The following FGD5 variants were observed in gnomAD, a reference collection of about 807,000 sequenced individuals.
The protein encoded by FGD5 is FYVE, RhoGEF and PH domain containing 5, also known as FYVE, RhoGEF and PH domain-containing protein 5.
In FGD5, 28 loss-of-function variants were observed where a neutral mutation model predicts 133.4. The observed-to-expected ratio is 0.21, with a 90% confidence interval of 0.16 to 0.29. The LOEUF is 0.29. Among genes scored for constraint, FGD5 ranks in the 10% least tolerant of loss-of-function variants. FGD5 has a pLI of 1.00. For missense variants in FGD5, 1,858 were observed against 1,895.2 expected (o/e 0.98, Z 0.36); for synonymous variants, 810 against 776.5 (o/e 1.04, Z -0.72).
chr3:14,841,007 T>C (rs960487610), intron 1 of FGD5, among the ~76,000 whole-genome samples: 1 of 152,250 alleles, frequency 6.6e-6, no homozygotes, highest in African/African-American at 2.4e-5. Context: ...CTCCATTGAA[T>C]GATTGTGCCC....
At chr3:14,837,891 A>G (rs1055449982) in intron 1 of FGD5, among the ~76,000 whole-genome samples, 3 of 152,164 alleles carry the variant, frequency 2.0e-5, no homozygotes, top group Non-Finnish European at 4.4e-5. Flanking sequence ...GTCTGACGTG[A>G]CATACTTATT....
intron 2 of FGD5, among the ~76,000 whole-genome samples, chr3:14,873,750 A>C (rs1379104503): frequency 1.4e-5 from 2 of 147,208 alleles, no homozygotes; most frequent in African/African-American, 2.5e-5. Flanking sequence ...TTTTTTTGAG[A>C]CAGTTCTGTC....
At chr3:14,869,055 G>A (rs932674146) in intron 2 of FGD5, among the ~76,000 whole-genome samples, 3 of 152,180 alleles carry the variant, frequency 2.0e-5, no homozygotes, top group Non-Finnish European at 4.4e-5. Flanking sequence ...AGCACTTTGG[G>A]AGGCTGAGGT....
chr3:14,928,612 G>T (rs527247580), intron 18 of FGD5, among the ~76,000 whole-genome samples: 5 of 152,066 alleles, frequency 3.3e-5, no homozygotes, highest in African/African-American at 1.2e-4. Context: ...AGGGATGGTG[G>T]CACGCACCTG....
rs1263023714 is a variant in FGD5, at chr3:14,820,160, T to A, written c.1089T>A (p.Ser363=). Residue 363 remains serine, a synonymous_variant, in exon 1 of 20, where the codon TCT becomes TCA. Transcript: ENST00000285046. ...CCTCTTTTTGCAGCGAGAGCTGTTC[T>A]CCTCTTTCTGAATCAGCGAAAGGTT... ...ESTSFCSESC[S]PLSESAKGLE... is the part of the protein sequence containing the mutation. 1 of 1,613,930 alleles carries A rather than the reference T, an allele frequency of 6.2e-7. No individual in the cohort carries two copies. Among genetic ancestry groups the A allele is most frequent in the Non-Finnish European group, 8.5e-7 (1 of 1,179,818 alleles).
At chr3:14,817,745 C>A (rs1226903315), upstream of FGD5, among the ~76,000 whole-genome samples, 1 of 152,154 alleles carries the variant, frequency 6.6e-6, no homozygotes, top group Non-Finnish European at 1.5e-5. Flanking sequence ...CATACCCAAG[C>A]CTTAGTGGGA....
intron 1 of FGD5, among the ~76,000 whole-genome samples, chr3:14,857,942 A>C (rs2037317316): frequency 1.3e-5 from 2 of 152,164 alleles, no homozygotes; most frequent in African/African-American, 4.8e-5. Flanking sequence ...GAAAAAAAAA[A>C]AAGCTGAGAC....
At chr3:14,899,085 A>T (rs1232819044) in intron 7 of FGD5, among the ~76,000 whole-genome samples, 1 of 151,996 alleles carries the variant, frequency 6.6e-6, no homozygotes, top group Non-Finnish European at 1.5e-5. Flanking sequence ...CCCAGCTTGC[A>T]CTTCCTCCCT....
intron 2 of FGD5, among the ~76,000 whole-genome samples, chr3:14,870,139 GAGCCCGAATGGCATGAGGGA>G (rs1216397431): frequency 1.5e-4 from 2 of 13,700 alleles, no homozygotes; most frequent in Non-Finnish European, 3.0e-4. Context: ...TGGCATGAGG[GAGCCCGAATGGCATGAGGGA>G]GCCCGCACTG....
chr3:14,918,904 T>C, intron 13 of FGD5, 71 bp downstream of exon 13: 5 of 1,507,318 alleles, frequency 3.3e-6, no homozygotes, highest in Non-Finnish European at 4.6e-6. Context: ...GAACAACAGA[T>C]AAGGATGTGC....
intron 9 of FGD5, among the ~76,000 whole-genome samples, chr3:14,904,860 G>A (rs2038308653): frequency 6.6e-6 from 1 of 152,116 alleles, no homozygotes; most frequent in Admixed American, 6.5e-5. Context: ...AGAGATCGAG[G>A]TCCCACTATT....
chr3:14,897,850 C>A, intron 5 of FGD5, 89 bp from the exon 6 acceptor site: 1 of 1,546,570 alleles, frequency 6.5e-7, no homozygotes, highest in Non-Finnish European at 8.8e-7. Context: ...GATCTGCACC[C>A]AGGGATGTGA....
chr3:14,882,938 C>T (rs2037855052), intron 4 of FGD5, among the ~76,000 whole-genome samples: 1 of 152,110 alleles, frequency 6.6e-6, no homozygotes, highest in Non-Finnish European at 1.5e-5. Flanking sequence ...TTCAGAATTT[C>T]CTCTTAGAGA....
At chr3:14,885,499 G>C (rs897225790) in intron 4 of FGD5, among the ~76,000 whole-genome samples, 2 of 152,190 alleles carry the variant, frequency 1.3e-5, no homozygotes, top group African/African-American at 4.8e-5. Flanking sequence ...GCCTCCAGCG[G>C]AATGCTGAGT....
At position 14,922,002 on chromosome 3, in the gene FGD5, C is replaced by T; in HGVS notation, c.3654C>T (p.Phe1218=). Reference sequence around the variant, plus strand: ...ACAAGGCCCAGGCGCTGGCTGCATTCCACCATAGCGTGGAGGTGAGTGGGT... The same window carrying T: ...ACAAGGCCCAGGCGCTGGCTGCATTTCACCATAGCGTGGAGGTGAGTGGGT... ...EDYKAQALAA[F]HHSVEIRERL... is the part of the protein sequence containing the mutation. The change falls in exon 14 of 20, where the codon TTC becomes TTT. Residue 1218 remains phenylalanine (F), a synonymous_variant. Transcript: ENST00000285046. This position sits in a 1 kb window ranked among gnomAD's most constrained non-coding sequence, Gnocchi z 4.1. The T allele has an allele frequency of 6.4e-7, 1 of 1,561,768 alleles. No homozygotes were observed. The highest frequency in any genetic ancestry group is 1.4e-5 in the African/African-American group (1 of 73,624).
At chr3:14,899,385 T>G (rs1051608272) in intron 7 of FGD5, among the ~76,000 whole-genome samples, 1 of 152,150 alleles carries the variant, frequency 6.6e-6, no homozygotes. Flanking sequence ...TTTATGCCCT[T>G]TCCCCTATCT....
Position 14,819,879 on chromosome 3 carries a change from G to A in FGD5, c.808G>A (p.Asp270Asn), listed in dbSNP as rs577830777. The A allele has an allele frequency of 6.2e-7, 1 of 1,613,726 alleles. No individual in the cohort carries two copies. The highest frequency in any genetic ancestry group is 8.5e-7 in the Non-Finnish European group (1 of 1,179,808). The stretch of plus-strand genomic sequence containing the variant: ...GGTCCAGGAGGCAGAGACAGCCACA[G>A]ACTGCCCTGAAGTTCTTGAGGAGGG... The part of the protein sequence containing the change: ...AGVQEAETAT[D>N]CPEVLEEGCE... The change falls in exon 1 of 20, where the codon GAC becomes AAC. Residue 270 changes from aspartate (D) to asparagine (N), a missense_variant. Transcript: ENST00000285046. This position sits in a 1 kb window ranked among gnomAD's most constrained non-coding sequence, Gnocchi z 4.1.
At chr3:14,858,447 G>A (rs904868532) in intron 1 of FGD5, among the ~76,000 whole-genome samples, 1 of 152,088 alleles carries the variant, frequency 6.6e-6, no homozygotes, top group Admixed American at 6.5e-5. Context: ...AGGTAGTTGG[G>A]TTAGAGGGCT....
chr3:14,823,647 C>T (rs1313443814), intron 1 of FGD5, among the ~76,000 whole-genome samples: 1 of 152,156 alleles, frequency 6.6e-6, no homozygotes, highest in Non-Finnish European at 1.5e-5. Flanking sequence ...AATCAGTGTC[C>T]AAACCCAGAC....
Sources: gnomAD v4.1 joint callset for allele counts (sites outside exome capture counted in the v4.1 genomes callset) on GRCh38, gnomAD v4.1.1 for gene constraint, Gnocchi (gnomAD v3.1) non-coding constraint, MANE v1.5 for transcripts, NCBI Gene and HGNC (gene_info 2026-07-23, HGNC 2026-07-21) for gene names.